Variants in CD2AP observed in about 807,000 individuals in gnomAD.
CD2AP encodes CD2 associated protein.
CD2AP carries 46 observed loss-of-function variants against 85.1 expected under a neutral mutation model. The observed-to-expected ratio is 0.54, with a 90% CI of 0.43 to 0.69. The LOEUF (loss-of-function observed/expected upper bound fraction) is 0.69, where lower values mean the gene tolerates loss of function less well. Among genes scored for constraint, CD2AP ranks in the 30% least tolerant of loss-of-function variants. CD2AP has a pLI of 0.00. For missense variants in CD2AP, 769 were observed against 729.5 expected (o/e 1.05, Z -0.62); for synonymous variants, 255 against 252.9 (o/e 1.01, Z -0.08).
At chr6:47,561,935 A>T (rs1767873921) in intron 5 of CD2AP, among the ~76,000 whole-genome samples, 1 of 151,952 alleles carries the variant, frequency 6.6e-6, no homozygotes, top group Non-Finnish European at 1.5e-5. Flanking sequence ...CACCCAGCTA[A>T]TTTTTTTGTA....
intron 2 of CD2AP, among the ~76,000 whole-genome samples, chr6:47,504,070 G>A (rs1473358320): frequency 6.6e-6 from 1 of 152,118 alleles, no homozygotes; most frequent in Non-Finnish European, 1.5e-5. Flanking sequence ...TATTCTAGTC[G>A]CTTCTGCCAG....
intron 5 of CD2AP, among the ~76,000 whole-genome samples, chr6:47,558,984 T>A (rs1767770817): frequency 6.6e-6 from 1 of 152,204 alleles, no homozygotes; most frequent in South Asian, 2.1e-4. Context: ...GGCTATTAAT[T>A]ACTGCCTCAA....
chr6:47,493,025 T>C (rs1192265896), intron 1 of CD2AP, among the ~76,000 whole-genome samples: 2 of 152,230 alleles, frequency 1.3e-5, no homozygotes, highest in Non-Finnish European at 2.9e-5. Flanking sequence ...ATTCCTCTTG[T>C]CCCTTAAGAC....
At chr6:47,610,503 C>A (rs1363045214) in intron 16 of CD2AP, among the ~76,000 whole-genome samples, 1 of 152,086 alleles carries the variant, frequency 6.6e-6, no homozygotes, top group Non-Finnish European at 1.5e-5. Context: ...CTGATTTTAT[C>A]ATTTCTTTTC....
chr6:47,560,014 T>C (rs1481036970), intron 5 of CD2AP, among the ~76,000 whole-genome samples: 2 of 152,194 alleles, frequency 1.3e-5, no homozygotes, highest in East Asian at 3.8e-4. Context: ...ATCCCATTCC[T>C]CTATACATTT....
At chr6:47,624,061 G>T (rs1410970435) in intron 17 of CD2AP, 125 bp from the exon 18 acceptor site, 6 of 782,468 alleles carry the variant, frequency 7.7e-6, no homozygotes, top group African/African-American at 6.9e-5. Context: ...TGGGAAACTG[G>T]ATTTTAGGTC....
intron 11 of CD2AP, among the ~76,000 whole-genome samples, chr6:47,592,816 T>C (rs1189616417): frequency 6.6e-6 from 1 of 152,164 alleles, no homozygotes; most frequent in Non-Finnish European, 1.5e-5. Flanking sequence ...CCTTGCCTTT[T>C]GCATGTGTTC....
intron 1 of CD2AP, among the ~76,000 whole-genome samples, chr6:47,487,553 G>C (rs552547832): frequency 8.7e-4 from 133 of 152,266 alleles, no homozygotes; most frequent in African/African-American, 3.0e-3. Flanking sequence ...AGCCGGGCAT[G>C]GTGGCGGGCG....
At chr6:47,614,187 T>G (rs1039166532) in intron 17 of CD2AP, among the ~76,000 whole-genome samples, 5 of 152,230 alleles carry the variant, frequency 3.3e-5, no homozygotes, top group Non-Finnish European at 7.3e-5. Flanking sequence ...ACTTTTAATT[T>G]TCTTCAAGAA....
At chr6:47,568,489 C>T (rs1449601069) in intron 5 of CD2AP, among the ~76,000 whole-genome samples, 2 of 152,114 alleles carry the variant, frequency 1.3e-5, no homozygotes, top group East Asian at 1.9e-4. Flanking sequence ...TGCCTGTAAT[C>T]CCAGCCCTTT....
chr6:47,541,034 C>A (rs970984935), intron 3 of CD2AP, among the ~76,000 whole-genome samples: 1 of 152,202 alleles, frequency 6.6e-6, no homozygotes, highest in East Asian at 1.9e-4. Flanking sequence ...TAAAAATTTA[C>A]CGTGAGGTCT....
chr6:47,566,554 GGTATAAGT>G (rs2114084100), intron 5 of CD2AP, among the ~76,000 whole-genome samples: 1 of 151,974 alleles, frequency 6.6e-6, no homozygotes, highest in South Asian at 2.1e-4. Flanking sequence ...TTGTTACATA[GGTATAAGT>G]GTGCCATGGT....
At chr6:47,533,835 T>C (rs1766956722) in intron 3 of CD2AP, 80 bp downstream of exon 3, 4 of 1,435,622 alleles carry the variant, frequency 2.8e-6, no homozygotes, top group Non-Finnish European at 2.9e-6. Flanking sequence ...TAAGAAAAAT[T>C]AGTTCAGTCT....
chr6:47,548,321 AAAG>A (rs1434979942), intron 4 of CD2AP, among the ~76,000 whole-genome samples: 8 of 152,184 alleles, frequency 5.3e-5, no homozygotes, highest in African/African-American at 1.4e-4. Flanking sequence ...TTAACCAAGA[AAAG>A]AAGAGAGAAA....
intron 5 of CD2AP, among the ~76,000 whole-genome samples, chr6:47,573,105 C>A (rs1768199699): frequency 6.6e-6 from 1 of 152,124 alleles, no homozygotes; most frequent in Non-Finnish European, 1.5e-5. Context: ...ATAAAAATAA[C>A]CACACAGTTT....
At chr6:47,623,816 GTTGT>G (rs911090314) in intron 17 of CD2AP, among the ~76,000 whole-genome samples, 10 of 152,018 alleles carry the variant, frequency 6.6e-5, no homozygotes, top group African/African-American at 2.4e-4. Context: ...TCTTTTTACT[GTTGT>G]TTATGTATCC....
Position 47,574,258 on chromosome 6 carries a change from A to ATCCTACAGTCAC in CD2AP, c.729+8_729+9insCCTACAGTCACT. On this transcript the variant is annotated splice_region_variant and intron_variant, in intron 6 of 17. Coordinates refer to ENST00000359314, the MANE Select transcript of CD2AP (RefSeq NM_012120.3). ...AGAGAAAAAACCAGAAAAGGTGGTA[A>ATCCTACAGTCAC]TGATGGACTTGTTAGATTAACTCCA... is the stretch of plus-strand genomic sequence containing the variant. 1 of 1,612,338 alleles carries ATCCTACAGTCAC rather than the reference A, an allele frequency of 6.2e-7. No individual in the cohort carries two copies. Among genetic ancestry groups the ATCCTACAGTCAC allele is most frequent in the African/African-American group, 1.3e-5 (1 of 75,042 alleles).
chr6:47,599,567 A>C, intron 13 of CD2AP, 124 bp downstream of exon 13: 1 of 884,946 alleles, frequency 1.1e-6, no homozygotes, highest in Non-Finnish European at 1.8e-6. Context: ...TACACAGTTG[A>C]AATTTGTTTA....
rs1485312441 is a variant in CD2AP, at chr6:47,511,205, G to A, written c.165+7765G>A. On this transcript the variant is annotated intron_variant, in intron 2 of 17. Coordinates refer to ENST00000359314, the MANE Select transcript of CD2AP (RefSeq NM_012120.3). ...TCCAGGTTAATGTCACCAGTGATAG[G>A]TTATGTTGATACCATGTATTCCCTT... Among the ~76,000 whole-genome samples the A allele has an allele frequency of 2.0e-5, 3 of 151,536 alleles. No homozygotes were observed. The East Asian group carries it at 5.8e-4, about 29-fold the overall frequency.
Sources: gnomAD v4.1 joint callset for allele counts (sites outside exome capture counted in the v4.1 genomes callset) on GRCh38, gnomAD v4.1.1 for gene constraint, MANE v1.5 for transcripts, NCBI Gene and HGNC (gene_info 2026-07-23, HGNC 2026-07-21) for gene names.